The following EBF1 variants were observed in gnomAD, a reference collection of about 807,000 sequenced individuals.
EBF1 encodes EBF transcription factor 1.
EBF1 carries 10 observed loss-of-function variants against 68.4 expected under a neutral mutation model. The ratio of observed to expected loss-of-function variants is 0.15; its 90% CI spans 0.09 to 0.25. The LOEUF is 0.25. EBF1 is among the 10% of genes least tolerant of loss of function. EBF1 has a pLI of 1.00. For synonymous variants in EBF1, 298 were observed against 299.8 expected (o/e 0.99, Z 0.06); for missense variants, 509 against 794.4 (o/e 0.64, Z 4.32).
rs1220069624 is a variant in EBF1 at position 158,926,272 on chromosome 5, C to T, written c.555-86162G>A. On this transcript the variant is annotated intron_variant, in intron 6 of 15. Coordinates refer to ENST00000313708, the MANE Select transcript of EBF1 (RefSeq NM_024007.5). ...GTCTACTTATAAGCAAATGATAGCGCATTTGTTATATCTTAATAAATGCAT... is the reference window on the plus strand; with the variant it reads ...GTCTACTTATAAGCAAATGATAGCGTATTTGTTATATCTTAATAAATGCAT... Among the ~76,000 whole-genome samples, 3 of 152,126 alleles carry T rather than the reference C, an allele frequency of 2.0e-5. No individual in the cohort carries two copies. The East Asian group carries it at 5.8e-4, about 29-fold the overall frequency.
chr5:158,997,589 C>T (rs998610744), intron 6 of EBF1, among the ~76,000 whole-genome samples: 4 of 152,200 alleles, frequency 2.6e-5, no homozygotes, highest in Admixed American at 6.5e-5. Flanking sequence ...CTTCCCATTA[C>T]TTCTTTCTGG....
intron 15 of EBF1, chr5:158,707,586 C>G (rs1448425178): frequency 3.9e-6 from 1 of 254,726 alleles, no homozygotes; most frequent in East Asian, 5.5e-5. Context: ...AAGGCCAGTC[C>G]CGGGAGAGAC....
intron 6 of EBF1, among the ~76,000 whole-genome samples, chr5:158,999,976 A>G (rs1490810444): frequency 5.9e-5 from 9 of 152,218 alleles, no homozygotes; most frequent in Non-Finnish European, 1.0e-4. Context: ...CTCCTGCAGA[A>G]ATCTGAATGT....
intron 6 of EBF1, among the ~76,000 whole-genome samples, chr5:158,888,447 G>A (rs1387628114): frequency 6.6e-6 from 1 of 152,124 alleles, no homozygotes; most frequent in Non-Finnish European, 1.5e-5. Context: ...GCAAGAATGT[G>A]AACCTAGTAT....
At chr5:158,713,276 G>A (rs1759862969) in intron 12 of EBF1, 129 bp from the exon 13 acceptor site, 2 of 782,112 alleles carry the variant, frequency 2.6e-6, no homozygotes, top group African/African-American at 1.8e-5. Flanking sequence ...TGACCCTCAT[G>A]ACAAACCTGT....
intron 6 of EBF1, among the ~76,000 whole-genome samples, chr5:159,071,902 G>A (rs1461796195): frequency 6.6e-6 from 1 of 152,144 alleles, no homozygotes; most frequent in Non-Finnish European, 1.5e-5. Flanking sequence ...AACAGAGGAG[G>A]AAGAAAAATG....
intron 6 of EBF1, among the ~76,000 whole-genome samples, chr5:159,071,736 C>CG (rs1300930110): frequency 2.1e-4 from 29 of 140,598 alleles, no homozygotes; most frequent in Admixed American, 2.1e-3. Context: ...CATTCACAAG[C>CG]GAAAAAAAAA....
chr5:158,699,378 T>TAAAC (rs1430471563), intron 15 of EBF1, among the ~76,000 whole-genome samples: 1 of 152,216 alleles, frequency 6.6e-6, no homozygotes, highest in Non-Finnish European at 1.5e-5. Context: ...CAAAATATCC[T>TAAAC]AAACATCTCT....
intron 6 of EBF1, among the ~76,000 whole-genome samples, chr5:158,920,451 C>T (rs1470165262): frequency 6.6e-6 from 1 of 152,230 alleles, no homozygotes; most frequent in Non-Finnish European, 1.5e-5. Context: ...ATATGTCGTT[C>T]CCTGCCCTCC....
chr5:159,029,182 G>A (rs2127737639), intron 6 of EBF1, among the ~76,000 whole-genome samples: 1 of 152,258 alleles, frequency 6.6e-6, no homozygotes, highest in Middle Eastern at 3.4e-3. Context: ...ATACTCATAA[G>A]AGAAATACTC....
At chr5:159,044,357 T>C (rs893002588) in intron 6 of EBF1, among the ~76,000 whole-genome samples, 2 of 152,174 alleles carry the variant, frequency 1.3e-5, no homozygotes. Flanking sequence ...TTGTGGGGGT[T>C]GTCGCTATTG....
At position 158,869,271 on chromosome 5, in the gene EBF1, G is replaced by A. The variant is rs73300055; in HGVS notation, c.555-29161C>T. Reference sequence around the variant, plus strand: ...TTTCCCAGCAGAGAGGGCTTCACAAGGCGCAGTGAGATCCCCCTGGGAATA... The same window carrying A: ...TTTCCCAGCAGAGAGGGCTTCACAAAGCGCAGTGAGATCCCCCTGGGAATA... On this transcript the variant is annotated intron_variant, in intron 6 of 15. Coordinates refer to ENST00000313708, the MANE Select transcript of EBF1 (RefSeq NM_024007.5). Among the ~76,000 whole-genome samples, 211 of 152,248 alleles carry A rather than the reference G, an allele frequency of 1.4e-3. 1 individual carries two copies. The highest frequency in any genetic ancestry group is 4.9e-3 in the African/African-American group (202 of 41,526).
intron 6 of EBF1, among the ~76,000 whole-genome samples, chr5:158,861,167 G>A (rs1013852653): frequency 1.1e-4 from 16 of 151,940 alleles, no homozygotes; most frequent in South Asian, 4.2e-4. Context: ...CTAAGAACCC[G>A]CATTATCAAG....
At chr5:159,046,586 C>T (rs1474569523) in intron 6 of EBF1, among the ~76,000 whole-genome samples, 1 of 152,184 alleles carries the variant, frequency 6.6e-6, no homozygotes, top group African/African-American at 2.4e-5. Flanking sequence ...GAGACTCAAG[C>T]TACTAGTGAG....
At chr5:158,746,057 A>G (rs1767488947) in intron 10 of EBF1, among the ~76,000 whole-genome samples, 1 of 152,122 alleles carries the variant, frequency 6.6e-6, no homozygotes, top group South Asian at 2.1e-4. Flanking sequence ...TTTTATTACT[A>G]CTGCTTTGGG....
intron 5 of EBF1, among the ~76,000 whole-genome samples, chr5:159,074,661 T>C (rs1778413559): frequency 6.6e-6 from 1 of 152,228 alleles, no homozygotes; most frequent in African/African-American, 2.4e-5. Context: ...GGAAAGTCTC[T>C]TTTCTTGCCA....
rs558403024 is a variant in EBF1, at chr5:158,889,043, T to C, written c.555-48933A>G. ...TTCCCACTGATTACTTTAGGGTTTT[T>C]TCCCCACATATGTTCCCCACTGAGA... On this transcript the variant is annotated intron_variant, in intron 6 of 15. Transcript: ENST00000313708. 2.0e-4 allele frequency among the ~76,000 whole-genome samples: 31 copies of C among 152,328 alleles called. No individual in the cohort carries two copies. In the South Asian group the frequency reaches 2.1e-3, roughly 10 times the overall value.
At chr5:158,751,372 AT>A (rs763797132) in intron 10 of EBF1, among the ~76,000 whole-genome samples, 4 of 148,052 alleles carry the variant, frequency 2.7e-5, no homozygotes, top group Non-Finnish European at 4.6e-5. Context: ...GGGCCATCAC[AT>A]GCCAGGGACT....
At chr5:159,096,947 AG>A (rs1782739348) in intron 2 of EBF1, 26 bp downstream of exon 2, 2 of 1,610,846 alleles carry the variant, frequency 1.2e-6, no homozygotes, top group Non-Finnish European at 8.5e-7. Flanking sequence ...GCCGGGGACG[AG>A]GGGCGACAGC....
Sources: allele counts gnomAD v4.1 joint callset (sites outside exome capture counted in the v4.1 genomes callset), GRCh38; gene constraint gnomAD v4.1.1; transcripts MANE v1.5; gene names NCBI Gene and HGNC (gene_info 2026-07-23, HGNC 2026-07-21).